LIN7A: variants seen among roughly 807,000 people sequenced by gnomAD.
LIN7A encodes the protein lin-7 cell polarity scaffold A.
LIN7A carries 25 observed loss-of-function variants against 29.8 expected under a neutral mutation model. That is an observed-to-expected ratio of 0.84 (90% CI 0.61 to 1.17). The LOEUF (loss-of-function observed/expected upper bound fraction) is 1.17, where lower values mean the gene tolerates loss of function less well. LIN7A is among the 50% of genes most tolerant of loss of function. LIN7A has a pLI of 0.00. For synonymous variants in LIN7A, 118 were observed against 107.5 expected (o/e 1.10, Z -0.60); for missense variants, 239 against 287.0 (o/e 0.83, Z 1.21).
chr12:80,937,712 G>T lies in LIN7A; in HGVS notation c.11C>A (p.Pro4Gln). Reference sequence around the variant, plus strand: ...TGCCGTGGGAGCCGAAGTGACGCTCGGCTTCAGCATCAGCAACCGCTCGTA... The same window carrying T: ...TGCCGTGGGAGCCGAAGTGACGCTCTGCTTCAGCATCAGCAACCGCTCGTA... MLKPSVTSAPTADM... is the reference protein window; with the variant it reads MLKQSVTSAPTADM... The change falls in exon 1 of 6, where the codon CCG becomes CAG. Residue 4 changes from proline (P) to glutamine (Q), a missense_variant. Coordinates refer to ENST00000552864, the MANE Select transcript of LIN7A (RefSeq NM_004664.4). 6.5e-7 allele frequency: 1 copy of T among 1,531,880 alleles called. No individual in the cohort carries two copies. Among genetic ancestry groups the T allele is most frequent in the Non-Finnish European group, 8.8e-7 (1 of 1,131,360 alleles). 94.9% of individuals were successfully genotyped at this position (1,531,880 alleles called of 1,614,324 possible).
chr12:80,870,212 T>C (rs1874358844), intron 2 of LIN7A, among the ~76,000 whole-genome samples: 1 of 152,170 alleles, frequency 6.6e-6, no homozygotes, highest in Non-Finnish European at 1.5e-5. Flanking sequence ...AATTAGTGCA[T>C]CCATGCATAT....
chr12:80,848,171 A>C, intron 3 of LIN7A, 80 bp downstream of exon 3: 1 of 1,030,024 alleles, frequency 9.7e-7, no homozygotes, highest in Non-Finnish European at 1.5e-6. Context: ...TACACACGAG[A>C]ATACCTGAAA....
chr12:80,803,974 G>A (rs956295384), intron 5 of LIN7A, among the ~76,000 whole-genome samples: 2 of 152,184 alleles, frequency 1.3e-5, no homozygotes, highest in African/African-American at 4.8e-5. Context: ...CCATGTTCCT[G>A]TGTTTGAATC....
intron 4 of LIN7A, 82 bp downstream of exon 4, chr12:80,845,648 C>T: frequency 9.2e-7 from 1 of 1,089,014 alleles, no homozygotes; most frequent in Non-Finnish European, 1.3e-6. Flanking sequence ...TCTAGGTTTT[C>T]AACGTTGACT....
chr12:80,851,448 G>A (rs188015781), intron 2 of LIN7A, among the ~76,000 whole-genome samples: 3 of 151,676 alleles, frequency 2.0e-5, no homozygotes, highest in Admixed American at 2.0e-4. Flanking sequence ...TGTAGAGTCA[G>A]GTCAAATCCT....
chr12:80,914,744 A>C (rs1478799993), intron 1 of LIN7A, among the ~76,000 whole-genome samples: 1 of 152,124 alleles, frequency 6.6e-6, no homozygotes, highest in African/African-American at 2.4e-5. Flanking sequence ...GGCAACCTCT[A>C]TTAATAGTTT....
chr12:80,859,890 C>G (rs889394831), intron 2 of LIN7A, among the ~76,000 whole-genome samples: 14 of 152,114 alleles, frequency 9.2e-5, no homozygotes, highest in African/African-American at 3.4e-4. Flanking sequence ...TCAAGCCAAT[C>G]ATTACATACT....
At chr12:80,850,174 G>A (rs2121549317) in intron 2 of LIN7A, among the ~76,000 whole-genome samples, 1 of 152,272 alleles carries the variant, frequency 6.6e-6, no homozygotes, top group Middle Eastern at 3.4e-3. Flanking sequence ...CTGTGTAGTA[G>A]ATAATTTCAC....
At chr12:80,937,310 C>G (rs1261364651) in intron 1 of LIN7A, 1 of 275,242 alleles carries the variant, frequency 3.6e-6, no homozygotes, top group African/African-American at 2.2e-5. Context: ...GAGCCCCTGG[C>G]GCCTATAGCC....
Position 80,873,301 on chromosome 12 carries a change from G to A in LIN7A, c.201+15950C>T, listed in dbSNP as rs955013530. Among the ~76,000 whole-genome samples the A allele has an allele frequency of 7.9e-5, 12 of 152,162 alleles. No individual in the cohort carries two copies. In the East Asian group the frequency reaches 1.5e-3, roughly 20 times the overall value. On this transcript the variant is annotated intron_variant, in intron 2 of 5. Transcript: ENST00000552864. The stretch of plus-strand genomic sequence containing the variant: ...TCCCAGTACTTTGGGAGGTAGAGCC[G>A]GGTGGGTCACTTGAGCCCAGGAGTT...
chr12:80,834,377 C>T (rs1488777905), intron 4 of LIN7A, among the ~76,000 whole-genome samples: 1 of 152,070 alleles, frequency 6.6e-6, no homozygotes, highest in Non-Finnish European at 1.5e-5. Flanking sequence ...ATAATAGGCA[C>T]CTCTGTAAAT....
chr12:80,812,332 A>G (rs1054827659), intron 4 of LIN7A, among the ~76,000 whole-genome samples: 1 of 152,134 alleles, frequency 6.6e-6, no homozygotes, highest in Non-Finnish European at 1.5e-5. Flanking sequence ...CTAAAATAAA[A>G]GAAAGGTGAA....
rs1309743706 is a variant in LIN7A at position 80,934,457 on chromosome 12, C to CT, written c.82+3183dup. ...AAAATCTGTAATCACCTTGTTCATC[C>CT]TTTTGGGGCCCAGCCTAGACCTTGA... On this transcript the variant is annotated intron_variant, in intron 1 of 5. Transcript: ENST00000552864. Among the ~76,000 whole-genome samples, 4 of 152,168 alleles carry CT rather than the reference C, an allele frequency of 2.6e-5. No homozygotes were observed. In the East Asian group the frequency reaches 7.7e-4, roughly 29 times the overall value.
intron 1 of LIN7A, among the ~76,000 whole-genome samples, chr12:80,922,602 A>G (rs1877373402): frequency 6.6e-6 from 1 of 152,206 alleles, no homozygotes; most frequent in African/African-American, 2.4e-5. Context: ...CTTTCTTATA[A>G]TTTAATCTGA....
intron 2 of LIN7A, among the ~76,000 whole-genome samples, chr12:80,884,732 T>C (rs562572158): frequency 1.1e-4 from 16 of 152,320 alleles, no homozygotes; most frequent in Admixed American, 2.6e-4. Flanking sequence ...GGTTGATTTA[T>C]TTTCTTATTC....
intron 1 of LIN7A, among the ~76,000 whole-genome samples, chr12:80,921,258 C>A (rs1877286557): frequency 6.6e-6 from 1 of 151,814 alleles, no homozygotes; most frequent in African/African-American, 2.4e-5. Flanking sequence ...TTTGGAATTC[C>A]CAGACTCCAG....
Position 80,796,824 on chromosome 12 carries a change from A to G in LIN7A, c.*903T>C, listed in dbSNP as rs1870471672. The G allele has an allele frequency of 6.6e-6, 1 of 152,164 alleles. No individual in the cohort carries two copies. The highest frequency in any genetic ancestry group is 1.5e-5 in the Non-Finnish European group (1 of 68,024). The allele number at this position is 152,164 out of a possible 1,614,324, so 9.4% of individuals were successfully genotyped here. A position where few individuals can be genotyped will look rare whatever the true frequency, so the allele number is the denominator to read the frequency against. On this transcript the variant is annotated 3_prime_UTR_variant, in exon 6 of 6. Coordinates refer to ENST00000552864, the MANE Select transcript of LIN7A (RefSeq NM_004664.4). Reference sequence around the variant, plus strand: ...TTATCAATCAAAAAGTATAAAACTCAAAAAATATTGAGAGTGGGTTTATGT... The same window carrying G: ...TTATCAATCAAAAAGTATAAAACTCGAAAAATATTGAGAGTGGGTTTATGT...
intron 5 of LIN7A, among the ~76,000 whole-genome samples, chr12:80,803,419 CA>C (rs1258938211): frequency 6.6e-6 from 1 of 152,152 alleles, no homozygotes; most frequent in Non-Finnish European, 1.5e-5. Context: ...ATACCTTTGT[CA>C]AAAATCAATT....
intron 1 of LIN7A, among the ~76,000 whole-genome samples, chr12:80,890,439 G>C (rs1271399122): frequency 6.6e-6 from 1 of 152,090 alleles, no homozygotes; most frequent in Non-Finnish European, 1.5e-5. Context: ...TGTTATTAAT[G>C]CTTGGTGCCA....
Sources: allele counts gnomAD v4.1 joint callset (sites outside exome capture counted in the v4.1 genomes callset), GRCh38; gene constraint gnomAD v4.1.1; transcripts MANE v1.5; gene names NCBI Gene and HGNC (gene_info 2026-07-23, HGNC 2026-07-21).